TMEM266: variants seen among roughly 807,000 people sequenced by gnomAD.
The protein encoded by TMEM266 is Hv1 related protein 1.
A neutral mutation model predicts 50.5 loss-of-function variants in TMEM266; 33 were observed. That is an observed-to-expected ratio of 0.65 (90% CI 0.50 to 0.87). The LOEUF (loss-of-function observed/expected upper bound fraction) is 0.87. Among genes scored for constraint, TMEM266 ranks in the 40% least tolerant of loss-of-function variants. The probability of loss-of-function intolerance (pLI) is 0.00; values close to 1 mark genes in which losing one functional copy is unlikely to be tolerated. For synonymous variants in TMEM266, 310 were observed against 292.3 expected (o/e 1.06, Z -0.62); for missense variants, 655 against 695.1 (o/e 0.94, Z 0.65).
At chr15:76,150,197 G>A (rs1267214975) in intron 3 of TMEM266, among the ~76,000 whole-genome samples, 1 of 152,170 alleles carries the variant, frequency 6.6e-6, no homozygotes, top group Non-Finnish European at 1.5e-5. Flanking sequence ...GGGTGTAAGG[G>A]CATAGCTTGT....
chr15:76,165,646 G>A (rs777327991), intron 5 of TMEM266, among the ~76,000 whole-genome samples: 7 of 152,332 alleles, frequency 4.6e-5, no homozygotes, highest in Middle Eastern at 3.4e-3. Flanking sequence ...CTGGGGGTGG[G>A]GCAATCCCTC....
chr15:76,167,891 G>C (rs1476984458), intron 5 of TMEM266, among the ~76,000 whole-genome samples: 1 of 152,168 alleles, frequency 6.6e-6, no homozygotes, highest in East Asian at 1.9e-4. Flanking sequence ...TGGTTGTGTG[G>C]CTATGGGCAG....
chr15:76,175,397 G>C (rs2038257843), intron 7 of TMEM266, 162 bp from the exon 8 acceptor site: 2 of 606,544 alleles, frequency 3.3e-6, no homozygotes, highest in Non-Finnish European at 2.9e-6. Context: ...GTGGCCCTCT[G>C]TACTTTCTGG....
chr15:76,076,905 C>A (rs1282751844), intron 1 of TMEM266, among the ~76,000 whole-genome samples: 3 of 151,964 alleles, frequency 2.0e-5, no homozygotes, highest in Non-Finnish European at 4.4e-5. Flanking sequence ...CACATGAAAT[C>A]CAGTCATGTA....
chr15:76,126,591 G>A (rs1019269192), intron 1 of TMEM266, among the ~76,000 whole-genome samples: 1 of 151,426 alleles, frequency 6.6e-6, no homozygotes, highest in African/African-American at 2.4e-5. Context: ...GAGTGCAGTG[G>A]CATGATCTCG....
chr15:76,169,791 C>A lies in TMEM266; in HGVS notation c.457-25C>A, dbSNP rs776219021. ...GGCTGGAGGAAGACCTGGAGAATAA[C>A]CACTTTCTCACTTCCTTTCCTCAGA... On this transcript the variant is annotated intron_variant, in intron 5 of 10. Transcript: ENST00000388942. 12 of 1,610,268 alleles carry A rather than the reference C, an allele frequency of 7.5e-6. No homozygotes were observed. The East Asian group carries it at 2.7e-4, about 36-fold the overall frequency.
At chr15:76,074,443 G>A (rs1280392702) in intron 1 of TMEM266, among the ~76,000 whole-genome samples, 4 of 151,930 alleles carry the variant, frequency 2.6e-5, no homozygotes, top group Non-Finnish European at 5.9e-5. Flanking sequence ...CTCCTTTACA[G>A]CTTTGCACTA....
chr15:76,072,974 C>T (rs952246074), intron 1 of TMEM266, among the ~76,000 whole-genome samples: 2 of 150,800 alleles, frequency 1.3e-5, no homozygotes, highest in Non-Finnish European at 2.9e-5. Flanking sequence ...TCTTGTTGCC[C>T]GGGCTGGAGT....
intron 1 of TMEM266, among the ~76,000 whole-genome samples, chr15:76,076,202 C>T (rs1470251710): frequency 1.3e-5 from 2 of 151,930 alleles, no homozygotes; most frequent in Admixed American, 1.3e-4. Flanking sequence ...TCCTGAAGAT[C>T]TGTGCCTTAT....
chr15:76,079,680 C>T (rs1302399990), intron 1 of TMEM266, among the ~76,000 whole-genome samples: 10 of 146,734 alleles, frequency 6.8e-5, no homozygotes, highest in Non-Finnish European at 8.9e-5. Flanking sequence ...CCCAGCTACT[C>T]GGGAGGCTGA....
At position 76,160,068 on chromosome 15, in the gene TMEM266, A is replaced by T. The variant is rs2142050399; in HGVS notation, c.383-27A>T. The T allele has an allele frequency of 4.3e-6, 7 of 1,609,560 alleles. No homozygotes were observed. The highest frequency in any genetic ancestry group is 6.0e-6 in the Non-Finnish European group (7 of 1,175,938). ...AACGCACCTAATTCCTCACTCCTAA[A>T]ATTGGTCCTTATCGTGTCCATTGCA... On this transcript the variant is annotated intron_variant, in intron 4 of 10. Coordinates refer to ENST00000388942, the MANE Select transcript of TMEM266 (RefSeq NM_152335.3). The surrounding 1 kb of genome is among the most constrained non-coding windows in gnomAD (Gnocchi z 5.7).
At chr15:76,105,524 CTGGGACACA>C (rs1221570513) in intron 1 of TMEM266, among the ~76,000 whole-genome samples, 3 of 152,220 alleles carry the variant, frequency 2.0e-5, no homozygotes, top group Non-Finnish European at 4.4e-5. Flanking sequence ...TTTAGGTTTT[CTGGGACACA>C]TGGTCTCTGT....
intron 1 of TMEM266, among the ~76,000 whole-genome samples, chr15:76,074,226 C>T (rs148923418): frequency 1.7e-3 from 264 of 152,124 alleles, no homozygotes; most frequent in Non-Finnish European, 2.4e-3. Flanking sequence ...TTCATATGCA[C>T]GTATCTGTAT....
chr15:76,158,247 C>T (rs2037957777), intron 4 of TMEM266, among the ~76,000 whole-genome samples: 1 of 152,148 alleles, frequency 6.6e-6, no homozygotes, highest in African/African-American at 2.4e-5. Flanking sequence ...ACGGTGAGCA[C>T]AGAATTGCTT....
At chr15:76,197,769 C>T (rs757194459) in intron 9 of TMEM266, among the ~76,000 whole-genome samples, 4 of 152,152 alleles carry the variant, frequency 2.6e-5, no homozygotes, top group African/African-American at 9.7e-5. Context: ...TGGTTGGCGC[C>T]CCATGCCCCT....
At chr15:76,104,025 A>G (rs1158559808) in intron 1 of TMEM266, among the ~76,000 whole-genome samples, 3 of 150,294 alleles carry the variant, frequency 2.0e-5, no homozygotes, top group Admixed American at 1.3e-4. Flanking sequence ...GGCTAACATG[A>G]TGAAACCCCG....
intron 8 of TMEM266, 95 bp from the exon 9 acceptor site, chr15:76,191,873 C>T: frequency 8.4e-7 from 1 of 1,197,350 alleles, no homozygotes; most frequent in Non-Finnish European, 1.1e-6. Flanking sequence ...CCTCCCCACC[C>T]CGCCCCCATG....
intron 2 of TMEM266, among the ~76,000 whole-genome samples, chr15:76,134,787 A>G (rs746951678): frequency 6.6e-6 from 1 of 152,248 alleles, no homozygotes. Flanking sequence ...TCTGTTATCT[A>G]TTGACACAGT....
intron 3 of TMEM266, among the ~76,000 whole-genome samples, chr15:76,146,327 T>C (rs2037755089): frequency 6.6e-6 from 1 of 152,180 alleles, no homozygotes; most frequent in Admixed American, 6.5e-5. Flanking sequence ...GGAAGTGGGA[T>C]AGTCTTTGTC....
Sources: gnomAD v4.1 joint callset for allele counts (sites outside exome capture counted in the v4.1 genomes callset) on GRCh38, gnomAD v4.1.1 for gene constraint, Gnocchi (gnomAD v3.1) non-coding constraint, MANE v1.5 for transcripts, NCBI Gene and HGNC (gene_info 2026-07-23, HGNC 2026-07-21) for gene names.